Variants in GRM7 observed in about 807,000 individuals in gnomAD.
GRM7 encodes the protein metabotropic glutamate receptor 7.
A neutral mutation model predicts 84.5 loss-of-function variants in GRM7; 35 were observed. The ratio of observed to expected loss-of-function variants is 0.41; its 90% CI spans 0.32 to 0.55. GRM7 has a LOEUF of 0.55. Ranked by LOEUF, GRM7 falls within the 20% of genes least tolerant of loss-of-function variation. The pLI is 0.19. For missense variants in GRM7, 1,003 were observed against 1,194.6 expected, an observed-to-expected ratio of 0.84 and a Z score of 2.36; for synonymous variants, 487 against 455.1, an observed-to-expected ratio of 1.07 and a Z score of -0.89.
chr3:7,435,251 C>G (rs1296288218), intron 5 of GRM7, among the ~76,000 whole-genome samples: 1 of 151,766 alleles, frequency 6.6e-6, no homozygotes, highest in Non-Finnish European at 1.5e-5. Flanking sequence ...GTGGCCTTGA[C>G]TTCCAGGGCT....
At chr3:7,641,244 A>G (rs1698353579) in intron 8 of GRM7, among the ~76,000 whole-genome samples, 1 of 152,196 alleles carries the variant, frequency 6.6e-6, no homozygotes, top group African/African-American at 2.4e-5. Flanking sequence ...CCATTGTAGT[A>G]ATAAGTCATC....
rs34076976 is a variant in GRM7 at position 7,722,448 on chromosome 3, CTT to C, written c.2699-17894_2699-17893del. On this transcript the variant is annotated intron_variant, in intron 9 of 9. Transcript: ENST00000357716. ...AGCTGAATGGTGACAATCCTTGTGTCTTTTTTTTTTTTTTTTGAGACAGTCTT... is the reference window on the plus strand; with the variant it reads ...AGCTGAATGGTGACAATCCTTGTGTCTTTTTTTTTTTTTTGAGACAGTCTT... Among the ~76,000 whole-genome samples, 984 of 136,416 alleles carry C rather than the reference CTT, an allele frequency of 7.2e-3. 6 individuals are homozygous for C. The highest frequency in any genetic ancestry group is 0.027 in the South Asian group (114 of 4,146). 89.5% of individuals were successfully genotyped at this position (136,416 alleles called of 152,430 possible). A position where few individuals can be genotyped will look rare whatever the true frequency, so the allele number is the denominator to read the frequency against.
At chr3:6,919,453 C>A (rs1462827140) in intron 1 of GRM7, among the ~76,000 whole-genome samples, 1 of 151,358 alleles carries the variant, frequency 6.6e-6, no homozygotes, top group African/African-American at 2.4e-5. Flanking sequence ...GGTGATCCAC[C>A]CACCTTGGCC....
chr3:6,958,239 C>CT (rs60986157), intron 1 of GRM7, among the ~76,000 whole-genome samples: 182 of 145,534 alleles, frequency 1.3e-3, no homozygotes, highest in African/African-American at 3.1e-3. Context: ...TGGTATCAGG[C>CT]TTTTTTTTTT....
chr3:7,381,249 T>C (rs1298820420), intron 4 of GRM7, among the ~76,000 whole-genome samples: 1 of 152,184 alleles, frequency 6.6e-6, no homozygotes, highest in African/African-American at 2.4e-5. Context: ...TGTGGGGCTC[T>C]GAAGGCATGC....
Position 7,151,751 on chromosome 3 carries a change from G to A in GRM7, c.736+5083G>A, listed in dbSNP as rs187565466. Reference sequence around the variant, plus strand: ...CTTACGATATGTAATTTTGCTAGAAGGCCATAAAATACTACATCCTAGATC... The same window carrying A: ...CTTACGATATGTAATTTTGCTAGAAAGCCATAAAATACTACATCCTAGATC... On this transcript the variant is annotated intron_variant, in intron 2 of 9. Transcript: ENST00000357716. The surrounding 1 kb of genome is among the most constrained non-coding windows in gnomAD (Gnocchi z 4.5). 1.1e-4 allele frequency among the ~76,000 whole-genome samples: 17 copies of A among 152,176 alleles called. No homozygotes were observed. In the East Asian group the frequency reaches 2.7e-3, roughly 24 times the overall value.
At chr3:7,046,789 G>T (rs1696820717) in intron 1 of GRM7, among the ~76,000 whole-genome samples, 1 of 152,074 alleles carries the variant, frequency 6.6e-6, no homozygotes, top group Non-Finnish European at 1.5e-5. Context: ...TTCTGGAAAA[G>T]AGAATGTCAC....
chr3:7,471,516 A>G lies in GRM7; in HGVS notation c.1515+9794A>G, dbSNP rs563947843. ...CTTTCCTCTGTCCTCAAAGCTGGCAATGGCAGGTCAAGTTCCTCTGAGCAT... is the reference window on the plus strand; with the variant it reads ...CTTTCCTCTGTCCTCAAAGCTGGCAGTGGCAGGTCAAGTTCCTCTGAGCAT... On this transcript the variant is annotated intron_variant, in intron 7 of 9. Transcript: ENST00000357716. Among the ~76,000 whole-genome samples, 7 of 152,204 alleles carry G rather than the reference A, an allele frequency of 4.6e-5. No homozygotes were observed. In the East Asian group the frequency reaches 7.7e-4, roughly 17 times the overall value.
chr3:7,451,149 C>G (rs1254139311), intron 5 of GRM7, among the ~76,000 whole-genome samples: 1 of 152,148 alleles, frequency 6.6e-6, no homozygotes, highest in South Asian at 2.1e-4. Flanking sequence ...GTGGATAATT[C>G]TTCTTCATAG....
intron 3 of GRM7, among the ~76,000 whole-genome samples, chr3:7,304,521 A>G (rs1391352317): frequency 6.6e-6 from 1 of 151,768 alleles, no homozygotes; most frequent in Non-Finnish European, 1.5e-5. Flanking sequence ...TTTATTTATT[A>G]AAAATAATAT....
chr3:7,159,810 C>CA, intron 2 of GRM7, among the ~76,000 whole-genome samples: 1 of 152,196 alleles, frequency 6.6e-6, no homozygotes. Flanking sequence ...TCCTACTTTT[C>CA]AAAATGACTC....
In GRM7 at chr3:6,966,863, T is replaced by C. The variant is rs552666900; in HGVS notation, c.519+104956T>C. Among the ~76,000 whole-genome samples the C allele has an allele frequency of 2.3e-4, 35 of 152,350 alleles. 1 individual carries two copies. The highest frequency in any genetic ancestry group is 8.2e-4 in the African/African-American group (34 of 41,590). ...TATCTGGGAGTATAAATCTTGGTCC[T>C]ACCATTTATAATGTATGTGATCTTT... is the stretch of plus-strand genomic sequence containing the variant. On this transcript the variant is annotated intron_variant, in intron 1 of 9. Transcript: ENST00000357716.
At chr3:6,900,165 T>C (rs1696333117) in intron 1 of GRM7, among the ~76,000 whole-genome samples, 1 of 152,138 alleles carries the variant, frequency 6.6e-6, no homozygotes, top group South Asian at 2.1e-4. Context: ...TCCTCAAAAG[T>C]AAAAGATCAA....
At chr3:7,352,067 A>AC (rs1279428901) in intron 4 of GRM7, among the ~76,000 whole-genome samples, 4 of 139,624 alleles carry the variant, frequency 2.9e-5, no homozygotes, top group Non-Finnish European at 6.4e-5. Context: ...CCACACACAC[A>AC]CACACACACA....
chr3:7,069,980 T>C (rs907764781), intron 1 of GRM7, among the ~76,000 whole-genome samples: 26 of 152,198 alleles, frequency 1.7e-4, no homozygotes, highest in African/African-American at 6.0e-4. Context: ...TACTATATAG[T>C]ATTTTCCTTT....
At chr3:7,126,641 T>C (rs1234289763) in intron 1 of GRM7, among the ~76,000 whole-genome samples, 1 of 152,224 alleles carries the variant, frequency 6.6e-6, no homozygotes, top group African/African-American at 2.4e-5. Context: ...ACTCATATTA[T>C]GGGGAATTTT....
At chr3:7,025,658 T>A (rs145913223) in intron 1 of GRM7, among the ~76,000 whole-genome samples, 389 of 152,242 alleles carry the variant, frequency 2.6e-3, no homozygotes, top group Admixed American at 6.1e-3. Context: ...TCTTGTGTCT[T>A]CCCTGGTATT....
chr3:7,724,396 T>A (rs1008313849), intron 9 of GRM7, among the ~76,000 whole-genome samples: 16 of 152,208 alleles, frequency 1.1e-4, no homozygotes, highest in African/African-American at 3.9e-4. Flanking sequence ...ACCTGTTCCA[T>A]CCATACTTTG....
intron 4 of GRM7, among the ~76,000 whole-genome samples, chr3:7,403,384 C>G (rs1056610440): frequency 6.6e-6 from 1 of 151,070 alleles, no homozygotes; most frequent in Non-Finnish European, 1.5e-5. Flanking sequence ...GATACAATAT[C>G]CACGATCTGT....
Sources: gnomAD v4.1 joint callset for allele counts (sites outside exome capture counted in the v4.1 genomes callset) on GRCh38, gnomAD v4.1.1 for gene constraint, Gnocchi (gnomAD v3.1) non-coding constraint, MANE v1.5 for transcripts, NCBI Gene and HGNC (gene_info 2026-07-23, HGNC 2026-07-21) for gene names.